Variants in ACCS observed in about 807,000 individuals in gnomAD.
ACCS encodes the protein 1-aminocyclopropane-1-carboxylate synthase-like protein 1.
Under a neutral mutation model 59.8 loss-of-function variants are expected in ACCS, and 42 were observed. That is an observed-to-expected ratio of 0.70 (90% CI 0.55 to 0.91). The LOEUF is 0.91. Among genes scored for constraint, ACCS ranks in the 40% least tolerant of loss-of-function variants. The pLI, the probability that ACCS is intolerant of heterozygous loss-of-function variation, is 0.00. For missense variants in ACCS, 602 were observed against 630.4 expected, an observed-to-expected ratio of 0.95 and a Z score of 0.48; for synonymous variants, 230 against 240.3, an observed-to-expected ratio of 0.96 and a Z score of 0.40.
intron 2 of ACCS, among the ~76,000 whole-genome samples, chr11:44,069,536 C>T (rs1361482028): frequency 1.3e-5 from 2 of 152,102 alleles, no homozygotes; most frequent in African/African-American, 2.4e-5. Context: ...TGCCAGTCCA[C>T]GCCACCACGC....
intron 6 of ACCS, 139 bp from the exon 7 acceptor site, chr11:44,077,140 T>C (rs1953402530): frequency 2.2e-6 from 2 of 917,210 alleles, no homozygotes; most frequent in Non-Finnish European, 3.2e-6. Flanking sequence ...CCAAAGTGTT[T>C]TGGGAGTTAA....
At chr11:44,069,230 C>CT (rs60673778) in intron 2 of ACCS, among the ~76,000 whole-genome samples, 20,486 of 148,380 alleles carry the variant, frequency 0.14, 1,502 homozygotes, top group Non-Finnish European at 0.17. Context: ...TTTTCTTTTT[C>CT]TTTTTTTTTT....
chr11:44,071,604 G>A (rs1953054046), intron 3 of ACCS: 2 of 329,226 alleles, frequency 6.1e-6, no homozygotes, highest in East Asian at 9.9e-5. Context: ...TGTGGTGTAG[G>A]TATTTAGCAA....
chr11:44,078,061 A>C, intron 8 of ACCS, 139 bp downstream of exon 8: 1 of 1,150,152 alleles, frequency 8.7e-7, no homozygotes. Context: ...GTGGTAGCAC[A>C]GAATTATTCT....
intron 3 of ACCS, chr11:44,072,334 T>G (rs1157578723): frequency 3.3e-5 from 5 of 152,044 alleles, no homozygotes; most frequent in Non-Finnish European, 5.9e-5. Flanking sequence ...ATTTTTGTAT[T>G]TTTAGTAGAG....
chr11:44,075,744 C>T, intron 6 of ACCS, 152 bp downstream of exon 6: 5 of 862,796 alleles, frequency 5.8e-6, no homozygotes, highest in Non-Finnish European at 8.7e-6. Context: ...CTTGACAAAG[C>T]ACCCGGGGGT....
chr11:44,079,909 A>G (rs931781048), intron 10 of ACCS, among the ~76,000 whole-genome samples: 7 of 152,214 alleles, frequency 4.6e-5, no homozygotes, highest in African/African-American at 1.7e-4. Flanking sequence ...CTTTACCTCC[A>G]GAGTCGCTCC....
At chr11:44,077,487 G>A (rs1220366002) in intron 7 of ACCS, 111 bp downstream of exon 7, 1 of 1,541,496 alleles carries the variant, frequency 6.5e-7, no homozygotes, top group Non-Finnish European at 8.7e-7. Flanking sequence ...GTGATGAGTA[G>A]GGAATGGAGC....
At chr11:44,081,374 G>A in intron 12 of ACCS, 54 bp downstream of exon 12, 1 of 1,601,848 alleles carries the variant, frequency 6.2e-7, no homozygotes, top group Non-Finnish European at 8.5e-7. Flanking sequence ...GAGGCAGCCT[G>A]GGAACAGCCA....
chr11:44,071,913 T>G (rs943055491), intron 3 of ACCS, among the ~76,000 whole-genome samples: 3 of 152,228 alleles, frequency 2.0e-5, no homozygotes, highest in African/African-American at 7.2e-5. Flanking sequence ...ATTAATTTGC[T>G]TTTTAAAAGT....
At chr11:44,069,556 A>C (rs1314893329) in intron 2 of ACCS, among the ~76,000 whole-genome samples, 2 of 152,198 alleles carry the variant, frequency 1.3e-5, no homozygotes, top group Non-Finnish European at 2.9e-5. Context: ...CCCAGCCTCA[A>C]GATCTTTTGT....
chr11:44,075,222 T>C (rs184440654), intron 5 of ACCS, among the ~76,000 whole-genome samples: 441 of 152,234 alleles, frequency 2.9e-3, no homozygotes, highest in Non-Finnish European at 5.2e-3. Context: ...AGGAATACCT[T>C]CTCCCTCCTC....
intron 8 of ACCS, chr11:44,078,160 A>G: frequency 5.6e-6 from 3 of 532,558 alleles, no homozygotes; most frequent in Non-Finnish European, 6.6e-6. Flanking sequence ...ACCAGGGAGC[A>G]TCACTAAAGA....
chr11:44,078,153 A>C, intron 8 of ACCS: 1 of 551,534 alleles, frequency 1.8e-6, no homozygotes, highest in South Asian at 2.6e-5. Flanking sequence ...AGAATCAACC[A>C]GGGAGCATCA....
Position 44,084,073 on chromosome 11 carries a change from C to A in ACCS, c.*281C>A, listed in dbSNP as rs1953759818. ...ATGGAGGAGTCGTGACTGCTTCTAA[C>A]CAGAGCCTCAGCCCCCCTGAGGATG... is the stretch of plus-strand genomic sequence containing the variant. On this transcript the variant is annotated 3_prime_UTR_variant, in exon 15 of 15. Transcript: ENST00000263776. 1 of 433,570 alleles carries A rather than the reference C, an allele frequency of 2.3e-6. No homozygotes were observed. The highest frequency in any genetic ancestry group is 2.0e-5 in the African/African-American group (1 of 49,980). The allele number at this position is 433,570 out of a possible 1,614,324, so 26.9% of individuals were successfully genotyped here.
At chr11:44,080,894 T>C in intron 10 of ACCS, 126 bp from the exon 11 acceptor site, 1 of 1,246,820 alleles carries the variant, frequency 8.0e-7, no homozygotes, top group South Asian at 1.3e-5. Context: ...TTCAAAGACA[T>C]GAAACCAGGG....
Position 44,083,229 on chromosome 11 carries a change from A to C in ACCS, c.1172A>C (p.Tyr391Ser). Residue 391 changes from tyrosine (Y) to serine (S), a missense_variant, in exon 13 of 15, where the codon TAT becomes TCT. By Grantham distance (144) the Tyr-to-Ser change is moderately radical. Transcript: ENST00000263776. ...GCCCGGCTCAAGGCTGCCCACACCTATGTCTCAGAAGAGCTTAGGGCATTG... is the reference window on the plus strand; with the variant it reads ...GCCCGGCTCAAGGCTGCCCACACCTCTGTCTCAGAAGAGCTTAGGGCATTG... The part of the protein sequence containing the change: ...NHARLKAAHT[Y>S]VSEELRALGI... The C allele has an allele frequency of 1.2e-6, 2 of 1,614,176 alleles. No homozygotes were observed. Among genetic ancestry groups the C allele is most frequent in the Non-Finnish European group, 1.7e-6 (2 of 1,180,030 alleles).
chr11:44,082,924 G>A (rs1411547714), intron 12 of ACCS, among the ~76,000 whole-genome samples: 1 of 152,096 alleles, frequency 6.6e-6, no homozygotes, highest in Admixed American at 6.5e-5. Flanking sequence ...TTTGCGCTGA[G>A]GGGGTGTGGG....
At chr11:44,067,100 G>A (rs1282669937) in intron 1 of ACCS, 1 of 156,134 alleles carries the variant, frequency 6.4e-6, no homozygotes, top group East Asian at 1.9e-4. Flanking sequence ...GGACTGAAGA[G>A]GCAGGCCCTG....
Sources: gnomAD v4.1 joint callset for allele counts (sites outside exome capture counted in the v4.1 genomes callset) on GRCh38, gnomAD v4.1.1 for gene constraint, MANE v1.5 for transcripts, NCBI Gene and HGNC (gene_info 2026-07-23, HGNC 2026-07-21) for gene names.